The following AKNAD1 variants were observed in gnomAD, a reference collection of about 807,000 sequenced individuals.
AKNAD1 encodes the protein protein AKNAD1.
A neutral mutation model predicts 90.8 loss-of-function variants in AKNAD1; 67 were observed. That is an observed-to-expected ratio of 0.74 (90% confidence interval 0.61 to 0.90). The LOEUF is 0.90. Ranked by LOEUF, AKNAD1 falls within the 40% of genes least tolerant of loss-of-function variation. The pLI, the probability that AKNAD1 is intolerant of heterozygous loss-of-function variation, is 0.00. For missense variants in AKNAD1, 957 were observed against 975.4 expected (o/e 0.98, Z 0.25); for synonymous variants, 327 against 341.4 (o/e 0.96, Z 0.46).
In AKNAD1 at chr1:108,834,501, T is replaced by G. The variant is rs1664314014; in HGVS notation, c.1692A>C (p.Ala564=). The G allele has an allele frequency of 1.2e-6, 2 of 1,609,160 alleles. No homozygotes were observed. Among genetic ancestry groups the G allele is most frequent in the East Asian group, 2.2e-5 (1 of 44,784 alleles). Residue 564 remains alanine (A), a synonymous_variant, in exon 9 of 16, where the codon GCA becomes GCC. Transcript: ENST00000370001. The stretch of plus-strand genomic sequence containing the variant: ...CTTGGTCTGGCTTGTTCTGGGCAGC[T>G]GCATCTCCATAATGACCGTTTAGGT... The part of the protein sequence containing the change: ...QTYLNGHYGD[A]AAQNKPDQVA...
intron 5 of AKNAD1, among the ~76,000 whole-genome samples, chr1:108,847,992 CA>C (rs1194176568): frequency 6.6e-6 from 1 of 152,198 alleles, no homozygotes; most frequent in Admixed American, 6.5e-5. Flanking sequence ...ATTTAATTAA[CA>C]GGATAAAGGA....
In AKNAD1 at chr1:108,825,518, A is replaced by C. The variant is rs1663968634; in HGVS notation, c.1936+1687T>G. 1.3e-5 allele frequency among the ~76,000 whole-genome samples: 2 copies of C among 151,694 alleles called. 1 individual carries two copies. Among genetic ancestry groups the C allele is most frequent in the Admixed American group, 1.3e-4 (2 of 15,120 alleles). On this transcript the variant is annotated intron_variant, in intron 11 of 15. Coordinates refer to ENST00000370001, the MANE Select transcript of AKNAD1 (RefSeq NM_152763.5). Reference sequence around the variant, plus strand: ...TTCCAGAACCCTTTTACACTCTTAAAATTGAGGACCCTAAACAGCCTTTGT... The same window carrying C: ...TTCCAGAACCCTTTTACACTCTTAACATTGAGGACCCTAAACAGCCTTTGT...
rs768759491 is a variant in AKNAD1, at chr1:108,851,761, T to C, written c.904A>G (p.Ser302Gly). ...SRDKPTLVQD[S>G]LETTPESNCV... ...TTTGACTCAGGCGTGGTTTCTAGAC[T>C]ATCTTGCACAAGAGTGGGTTTATCT... The change falls in exon 2 of 16, where the codon AGT (serine) becomes GGT (glycine). Residue 302 changes from serine to glycine, a missense_variant. Transcript: ENST00000370001. The C allele has an allele frequency of 2.4e-5, 39 of 1,613,798 alleles. No individual in the cohort carries two copies. Among genetic ancestry groups the C allele is most frequent in the Non-Finnish European group, 3.2e-5 (38 of 1,179,918 alleles).
chr1:108,835,789 TA>T lies in AKNAD1; in HGVS notation c.1537-734del, dbSNP rs112252004. Among the ~76,000 whole-genome samples, 1,447 of 152,218 alleles carry T rather than the reference TA, an allele frequency of 9.5e-3. 22 individuals are homozygous for T. The highest frequency in any genetic ancestry group is 0.033 in the African/African-American group (1,365 of 41,520). ...ACAGGCGCCCGCCACCACGCCCGGCTAATTTTTTGTATCTTTAGTAGAAACG... is the reference window on the plus strand; with the variant it reads ...ACAGGCGCCCGCCACCACGCCCGGCTATTTTTTGTATCTTTAGTAGAAACG... On this transcript the variant is annotated intron_variant, in intron 7 of 15. Coordinates refer to ENST00000370001, the MANE Select transcript of AKNAD1 (RefSeq NM_152763.5).
At chr1:108,818,144 G>A (rs1353170631) in intron 14 of AKNAD1, among the ~76,000 whole-genome samples, 2 of 152,164 alleles carry the variant, frequency 1.3e-5, no homozygotes, top group African/African-American at 4.8e-5. Flanking sequence ...TCTCAAGCAT[G>A]AGCAGTGGCC....
chr1:108,828,116 A>C (rs1379907495), intron 10 of AKNAD1, among the ~76,000 whole-genome samples: 2 of 150,054 alleles, frequency 1.3e-5, no homozygotes, highest in Non-Finnish European at 3.0e-5. Flanking sequence ...ACAAACAAAC[A>C]AACAGTTCCT....
intron 1 of AKNAD1, among the ~76,000 whole-genome samples, chr1:108,853,136 C>CTTTTTCTTT (rs1553205088): frequency 8.2e-5 from 11 of 133,548 alleles, no homozygotes; most frequent in African/African-American, 2.9e-4. Context: ...TTTCTTTTTT[C>CTTTTTCTTT]TTTTTTTTTT....
At chr1:108,836,120 A>C (rs1170601010) in intron 7 of AKNAD1, among the ~76,000 whole-genome samples, 4 of 152,220 alleles carry the variant, frequency 2.6e-5, no homozygotes, top group Non-Finnish European at 4.4e-5. Context: ...GAGAGTTCTC[A>C]TCATTTCACA....
At chr1:108,858,215 T>G (rs894258499), upstream of AKNAD1, 2 of 152,572 alleles carry the variant, frequency 1.3e-5, no homozygotes, top group African/African-American at 4.8e-5. Flanking sequence ...AATCATGGCG[T>G]GCCTGCTTCT....
chr1:108,852,188 A>G lies in AKNAD1; in HGVS notation c.477T>C (p.Ser159=). ...KSIISCYNKN[S]WPKEQTPELT... ...GTTCTGGGGTTTGTTCTTTTGGCCA[A>G]GAATTCTTATTATAACATGAAATAA... Residue 159 remains serine, a synonymous_variant, in exon 2 of 16, where the codon TCT becomes TCC. Transcript: ENST00000370001. The G allele has an allele frequency of 6.2e-7, 1 of 1,613,756 alleles. No homozygotes were observed. Among genetic ancestry groups the G allele is most frequent in the Middle Eastern group, 1.7e-4 (1 of 6,060 alleles).
At chr1:108,848,224 C>G (rs1338045037) in intron 5 of AKNAD1, among the ~76,000 whole-genome samples, 1 of 152,198 alleles carries the variant, frequency 6.6e-6, no homozygotes, top group African/African-American at 2.4e-5. Flanking sequence ...TGCTCCACCC[C>G]CTTCCCATGA....
intron 10 of AKNAD1, among the ~76,000 whole-genome samples, chr1:108,827,628 C>T (rs1040378223): frequency 6.7e-6 from 1 of 150,184 alleles, no homozygotes; most frequent in Non-Finnish European, 1.5e-5. Flanking sequence ...TCCTGGCTAA[C>T]ACGGTGAAAC....
At chr1:108,824,136 C>T (rs772608614) in intron 11 of AKNAD1, among the ~76,000 whole-genome samples, 1 of 152,218 alleles carries the variant, frequency 6.6e-6, no homozygotes, top group African/African-American at 2.4e-5. Context: ...ATGTGACATT[C>T]ATAAGCCTAT....
chr1:108,845,474 C>T (rs1429514926), intron 5 of AKNAD1, among the ~76,000 whole-genome samples: 1 of 152,248 alleles, frequency 6.6e-6, no homozygotes, highest in Non-Finnish European at 1.5e-5. Flanking sequence ...CCTGCTTTTC[C>T]TCTGTTCCTT....
At chr1:108,849,216 C>A (rs1194112078) in intron 3 of AKNAD1, among the ~76,000 whole-genome samples, 156 bp from the exon 4 acceptor site, 1 of 152,122 alleles carries the variant, frequency 6.6e-6, no homozygotes, top group Non-Finnish European at 1.5e-5. Context: ...CACAGTGGCT[C>A]ACACCTGTAA....
chr1:108,840,893 G>A (rs1229186169), intron 6 of AKNAD1, among the ~76,000 whole-genome samples: 2 of 152,140 alleles, frequency 1.3e-5, no homozygotes, highest in Non-Finnish European at 2.9e-5. Context: ...AAATGAGCCC[G>A]GGTACGGTGG....
chr1:108,853,411 G>A (rs1212998317), intron 1 of AKNAD1, among the ~76,000 whole-genome samples: 2 of 151,380 alleles, frequency 1.3e-5, no homozygotes, highest in African/African-American at 2.4e-5. Context: ...GATTACAGGC[G>A]TGAGCCACCG....
At chr1:108,835,081 T>C (rs1359184544) in intron 7 of AKNAD1, 25 bp from the exon 8 acceptor site, 1 of 1,568,418 alleles carries the variant, frequency 6.4e-7, no homozygotes. Context: ...CAGAAAGACT[T>C]GAATTAGAGC....
At chr1:108,828,465 C>T (rs1570802098) in intron 10 of AKNAD1, among the ~76,000 whole-genome samples, 1 of 151,786 alleles carries the variant, frequency 6.6e-6, no homozygotes, top group East Asian at 2.0e-4. Context: ...CAGTCATAGC[C>T]CCCAGGGAAA....
Sources: allele counts gnomAD v4.1 joint callset (sites outside exome capture counted in the v4.1 genomes callset), GRCh38; gene constraint gnomAD v4.1.1; transcripts MANE v1.5; gene names NCBI Gene and HGNC (gene_info 2026-07-23, HGNC 2026-07-21).